UBE3C: variants seen among roughly 807,000 people sequenced by gnomAD.
UBE3C encodes ubiquitin protein ligase E3C.
In UBE3C, 42 loss-of-function variants were observed where a neutral mutation model predicts 129.4. The observed-to-expected ratio is 0.32, with a 90% CI of 0.25 to 0.42. UBE3C has a LOEUF of 0.42. Among genes scored for constraint, UBE3C ranks in the 10% least tolerant of loss-of-function variants. The probability of loss-of-function intolerance (pLI) is 1.00; values close to 1 mark genes in which losing one functional copy is unlikely to be tolerated. For missense variants in UBE3C, 1,049 were observed against 1,319.1 expected, an observed-to-expected ratio of 0.80 and a Z score of 3.17; for synonymous variants, 510 against 492.4, an observed-to-expected ratio of 1.04 and a Z score of -0.47.
At chr7:157,198,920 A>G (rs1261482901) in intron 10 of UBE3C, among the ~76,000 whole-genome samples, 4 of 152,230 alleles carry the variant, frequency 2.6e-5, no homozygotes, top group African/African-American at 2.4e-5. Context: ...TTGAAATACA[A>G]ATTTTAAAAT....
chr7:157,150,006 G>A (rs761753934), intron 1 of UBE3C, among the ~76,000 whole-genome samples: 4 of 152,180 alleles, frequency 2.6e-5, no homozygotes, highest in Non-Finnish European at 5.9e-5. Flanking sequence ...CAAATTACAG[G>A]CTGTAATACC....
chr7:157,224,792 A>ACACACTCTCT (rs769953235), intron 16 of UBE3C, among the ~76,000 whole-genome samples: 2 of 139,200 alleles, frequency 1.4e-5, no homozygotes, highest in African/African-American at 5.5e-5. Flanking sequence ...ACACACACAC[A>ACACACTCTCT]CTCTCTCTCT....
chr7:157,187,154 A>G (rs897386015), intron 10 of UBE3C, 133 bp downstream of exon 10: 8 of 1,098,164 alleles, frequency 7.3e-6, no homozygotes, highest in Non-Finnish European at 8.7e-6. Flanking sequence ...CTACTGTCCA[A>G]GCGTTTCATA....
intron 14 of UBE3C, 140 bp from the exon 15 acceptor site, chr7:157,220,549 G>T: frequency 1.3e-6 from 1 of 769,740 alleles, no homozygotes; most frequent in East Asian, 2.7e-5. Context: ...TAAAGCAAAA[G>T]GGGACATGAA....
At chr7:157,215,248 A>G (rs1809702523) in intron 13 of UBE3C, among the ~76,000 whole-genome samples, 1 of 152,132 alleles carries the variant, frequency 6.6e-6, no homozygotes, top group African/African-American at 2.4e-5. Flanking sequence ...TCCACATTGT[A>G]GTGGCCTGAG....
intron 14 of UBE3C, 120 bp downstream of exon 14, chr7:157,217,091 G>A (rs960080654): frequency 2.7e-6 from 2 of 742,916 alleles, no homozygotes; most frequent in African/African-American, 3.6e-5. Context: ...TGACTAAATA[G>A]TAATGATAAA....
At chr7:157,187,588 T>TC (rs1808845163) in intron 10 of UBE3C, among the ~76,000 whole-genome samples, 1 of 151,560 alleles carries the variant, frequency 6.6e-6, no homozygotes, top group African/African-American at 2.4e-5. Flanking sequence ...TTTTTTGTTT[T>TC]TTTTTTTGAG....
chr7:157,170,781 C>T (rs1358463634), intron 4 of UBE3C, among the ~76,000 whole-genome samples: 1 of 152,178 alleles, frequency 6.6e-6, no homozygotes, highest in Non-Finnish European at 1.5e-5. Flanking sequence ...GTCAGTGGGA[C>T]GTGCACCCTG....
At chr7:157,159,309 A>G (rs1808002003) in intron 1 of UBE3C, among the ~76,000 whole-genome samples, 1 of 140,212 alleles carries the variant, frequency 7.1e-6, no homozygotes, top group Admixed American at 6.8e-5. Context: ...GCATGTGGGG[A>G]AAAAAAGAAA....
intron 3 of UBE3C, among the ~76,000 whole-genome samples, 187 bp from the exon 4 acceptor site, chr7:157,170,117 G>GTT (rs146750630): frequency 0.048 from 6,511 of 134,762 alleles, 196 homozygotes; most frequent in Non-Finnish European, 0.073. Context: ...ACCATGCCTG[G>GTT]TTTTTTTTTT....
chr7:157,262,409 C>CTTTTTT (rs371300314), intron 22 of UBE3C, among the ~76,000 whole-genome samples: 2,389 of 54,036 alleles, frequency 0.044, 866 homozygotes, highest in African/African-American at 0.08. Context: ...TCTTCATAGG[C>CTTTTTT]TTTTTTTTTT....
chr7:157,172,133 G>A (rs1172029440), intron 4 of UBE3C, among the ~76,000 whole-genome samples: 1 of 151,746 alleles, frequency 6.6e-6, no homozygotes, highest in African/African-American at 2.4e-5. Flanking sequence ...CTGGGTTCAA[G>A]CGATTCTCCT....
chr7:157,216,941 G>A lies in UBE3C; in HGVS notation c.1884G>A (p.Leu628=). Residue 628 remains leucine, a synonymous_variant, in exon 14 of 23, where the codon CTG becomes CTA. Transcript: ENST00000348165. ...ATTTTTGTCCTCCAAACCACTGGCTGTCAGAACAAGAAGATATTAAAGCAG... is the reference window on the plus strand; with the variant it reads ...ATTTTTGTCCTCCAAACCACTGGCTATCAGAACAAGAAGATATTAAAGCAG... ...RRNFCPPNHW[L]SEQEDIKADK... 2.5e-6 allele frequency: 4 copies of A among 1,614,022 alleles called. No homozygotes were observed. The highest frequency in any genetic ancestry group is 2.2e-5 in the East Asian group (1 of 44,878).
Position 157,223,365 on chromosome 7 carries a change from C to G in UBE3C, c.2100+14C>G, listed in dbSNP as rs1279776572. On this transcript the variant is annotated intron_variant, in intron 16 of 22. Transcript: ENST00000348165. ...GAACGAGTAAAGGTATGCAATTTGG[C>G]TTCTTTATTGTCACTACGTATCATA... 1.0e-5 allele frequency: 16 copies of G among 1,602,926 alleles called. No homozygotes were observed. Among genetic ancestry groups the G allele is most frequent in the African/African-American group, 2.7e-5 (2 of 74,302 alleles).
intron 1 of UBE3C, among the ~76,000 whole-genome samples, chr7:157,152,225 A>C (rs1807775467): frequency 2.6e-5 from 4 of 151,992 alleles, no homozygotes; most frequent in Admixed American, 2.6e-4. Flanking sequence ...GAAGGTAGTC[A>C]GGGAGAGAGC....
At chr7:157,194,139 A>G (rs1260742646) in intron 10 of UBE3C, among the ~76,000 whole-genome samples, 1 of 152,202 alleles carries the variant, frequency 6.6e-6, no homozygotes, top group African/African-American at 2.4e-5. Context: ...ATTTTGACCC[A>G]TGAAAAAGTT....
At chr7:157,160,380 A>G (rs1198011475) in intron 1 of UBE3C, among the ~76,000 whole-genome samples, 1 of 152,158 alleles carries the variant, frequency 6.6e-6, no homozygotes, top group Non-Finnish European at 1.5e-5. Flanking sequence ...AGCCACTTTC[A>G]AATTTAACTT....
chr7:157,143,323 G>A (rs1807510422), intron 1 of UBE3C, among the ~76,000 whole-genome samples: 1 of 152,252 alleles, frequency 6.6e-6, no homozygotes, highest in East Asian at 1.9e-4. Flanking sequence ...TACAGAAATG[G>A]ACTAAAACTA....
intron 22 of UBE3C, among the ~76,000 whole-genome samples, chr7:157,257,894 T>C (rs1417617841): frequency 3.3e-5 from 5 of 151,310 alleles, no homozygotes; most frequent in Non-Finnish European, 5.9e-5. Context: ...GTACTGTATG[T>C]GATTTGTGCT....
Sources: gnomAD v4.1 joint callset for allele counts (sites outside exome capture counted in the v4.1 genomes callset) on GRCh38, gnomAD v4.1.1 for gene constraint, MANE v1.5 for transcripts, NCBI Gene and HGNC (gene_info 2026-07-23, HGNC 2026-07-21) for gene names.